EML4: variants seen among roughly 807,000 people sequenced by gnomAD.
EML4 encodes the protein EMAP like 4.
EML4 carries 72 observed loss-of-function variants against 129.0 expected under a neutral mutation model. The observed-to-expected ratio is 0.56, with a 90% confidence interval of 0.46 to 0.68. EML4 has a LOEUF of 0.68. EML4 is among the 30% of genes least tolerant of loss of function. The probability of loss-of-function intolerance (pLI) is 0.00; values close to 1 mark genes in which losing one functional copy is unlikely to be tolerated. For synonymous variants in EML4, 532 were observed against 405.0 expected (o/e 1.31, Z -3.77); for missense variants, 1,363 against 1,190.6 (o/e 1.14, Z -2.13).
chr2:42,191,427 A>T (rs1306539720), intron 1 of EML4, among the ~76,000 whole-genome samples: 1 of 152,138 alleles, frequency 6.6e-6, no homozygotes, highest in Non-Finnish European at 1.5e-5. Flanking sequence ...CTAAGGCAGG[A>T]CTTTGGTCCT....
chr2:42,218,944 A>G lies in EML4; in HGVS notation c.26-26561A>G, dbSNP rs535988472. Among the ~76,000 whole-genome samples the G allele has an allele frequency of 3.9e-5, 6 of 152,278 alleles. No homozygotes were observed. The East Asian group carries it at 1.2e-3, about 29-fold the overall frequency. ...CTCGCAAGCAGCTAGGAATACAAAC[A>G]TGCACTGCAGCACTTGACTTAGTAA... is the stretch of plus-strand genomic sequence containing the variant. On this transcript the variant is annotated intron_variant, in intron 1 of 22. Transcript: ENST00000318522.
At chr2:42,242,185 C>T (rs902921955) in intron 1 of EML4, among the ~76,000 whole-genome samples, 12 of 152,040 alleles carry the variant, frequency 7.9e-5, no homozygotes, top group African/African-American at 2.4e-4. Flanking sequence ...AGTTCAGCTG[C>T]CTTCCCAGAA....
intron 1 of EML4, among the ~76,000 whole-genome samples, chr2:42,188,227 T>C (rs189824314): frequency 1.3e-5 from 2 of 152,320 alleles, no homozygotes; most frequent in Admixed American, 1.3e-4. Context: ...TCTTAATTAC[T>C]ATAGCTGATA....
chr2:42,201,499 G>A (rs1672232410), intron 1 of EML4, among the ~76,000 whole-genome samples: 1 of 152,162 alleles, frequency 6.6e-6, no homozygotes, highest in Non-Finnish European at 1.5e-5. Context: ...CCACTTCTGA[G>A]TATATATCCA....
At chr2:42,282,497 G>A (rs1023204666) in intron 7 of EML4, among the ~76,000 whole-genome samples, 1 of 152,038 alleles carries the variant, frequency 6.6e-6, no homozygotes, top group Non-Finnish European at 1.5e-5. Context: ...GGGCTCAAGT[G>A]ATTCTCCCAC....
At chr2:42,267,475 G>T (rs1317968553) in intron 6 of EML4, among the ~76,000 whole-genome samples, 1 of 152,154 alleles carries the variant, frequency 6.6e-6, no homozygotes, top group Non-Finnish European at 1.5e-5. Flanking sequence ...GACAATGATA[G>T]CTGTGGCTTG....
intron 6 of EML4, among the ~76,000 whole-genome samples, chr2:42,276,976 A>G (rs975246526): frequency 3.9e-5 from 6 of 152,158 alleles, no homozygotes; most frequent in Non-Finnish European, 7.4e-5. Flanking sequence ...TTGCTTTTCT[A>G]CTTGGTTTCT....
intron 19 of EML4, 91 bp downstream of exon 19, chr2:42,317,615 C>T: frequency 1.3e-6 from 1 of 775,360 alleles, no homozygotes; most frequent in Non-Finnish European, 2.1e-6. Flanking sequence ...GTGTTGTTTC[C>T]TGTCGTTAGC....
At position 42,288,232 on chromosome 2, in the gene EML4, A is replaced by C; in HGVS notation, c.1128A>C (p.Ser376=). ...VGCLDFSKAD[S]GVHLCIIDDS... The stretch of plus-strand genomic sequence containing the variant: ...TCTGATTGACTTTTCTTTAGGATTC[A>C]GGTGTTCATTTATGTATTATTGATG... Residue 376 remains serine, a synonymous_variant, in exon 11 of 23, where the codon TCA becomes TCC. Transcript: ENST00000318522. 1 of 1,385,484 alleles carries C rather than the reference A, an allele frequency of 7.2e-7. No homozygotes were observed. The highest frequency in any genetic ancestry group is 1.0e-6 in the Non-Finnish European group (1 of 997,438). The allele number at this position is 1,385,484 out of a possible 1,614,324, so 85.8% of individuals were successfully genotyped here. A position where few individuals can be genotyped will look rare whatever the true frequency, so the allele number is the denominator to read the frequency against.
chr2:42,185,005 T>C (rs915307188), intron 1 of EML4, among the ~76,000 whole-genome samples: 1 of 152,204 alleles, frequency 6.6e-6, no homozygotes, highest in African/African-American at 2.4e-5. Flanking sequence ...ACTTTTTGTT[T>C]TTATGTAATC....
At chr2:42,233,467 A>C (rs998658983) in intron 1 of EML4, among the ~76,000 whole-genome samples, 5 of 151,588 alleles carry the variant, frequency 3.3e-5, no homozygotes, top group Admixed American at 1.3e-4. Flanking sequence ...CACCATGCCC[A>C]GCCAATTTTT....
chr2:42,303,655 G>A (rs555979574), intron 16 of EML4, among the ~76,000 whole-genome samples: 1 of 152,348 alleles, frequency 6.6e-6, no homozygotes, highest in South Asian at 2.1e-4. Context: ...GCCGGGCAAG[G>A]TGGCTCACAC....
intron 1 of EML4, among the ~76,000 whole-genome samples, chr2:42,192,338 C>G (rs1671643057): frequency 6.6e-6 from 1 of 150,630 alleles, no homozygotes; most frequent in South Asian, 2.1e-4. Flanking sequence ...CTGCTGGCTT[C>G]AAGAGATTCT....
chr2:42,197,210 G>C (rs189007028), intron 1 of EML4, among the ~76,000 whole-genome samples: 5 of 151,980 alleles, frequency 3.3e-5, no homozygotes, highest in Non-Finnish European at 5.9e-5. Flanking sequence ...CCACAGGCAC[G>C]CACCACCACT....
chr2:42,199,953 G>A (rs1672120333), intron 1 of EML4, among the ~76,000 whole-genome samples: 2 of 152,028 alleles, frequency 1.3e-5, no homozygotes, highest in South Asian at 4.1e-4. Flanking sequence ...AAACAATTTT[G>A]ACATTGGATC....
chr2:42,225,267 T>C (rs528644340), intron 1 of EML4, among the ~76,000 whole-genome samples: 25 of 152,226 alleles, frequency 1.6e-4, no homozygotes, highest in Middle Eastern at 6.8e-3. Flanking sequence ...TTGGATTATA[T>C]CTGTAAGTGG....
chr2:42,267,675 A>G (rs1666136891), intron 6 of EML4, among the ~76,000 whole-genome samples: 1 of 152,214 alleles, frequency 6.6e-6, no homozygotes. Context: ...GTTGAAAGCA[A>G]TAGAAAGTGA....
intron 8 of EML4, among the ~76,000 whole-genome samples, chr2:42,283,744 T>C (rs1220405035): frequency 6.6e-6 from 1 of 152,202 alleles, no homozygotes; most frequent in Non-Finnish European, 1.5e-5. Flanking sequence ...TGTACAAAAC[T>C]ATTTACTGCA....
chr2:42,246,829 A>G (rs1675432842), intron 2 of EML4, among the ~76,000 whole-genome samples: 1 of 152,220 alleles, frequency 6.6e-6, no homozygotes, highest in Admixed American at 6.5e-5. Context: ...AGAGATGTCA[A>G]ATAAAACAAA....
Sources: gnomAD v4.1 joint callset for allele counts (sites outside exome capture counted in the v4.1 genomes callset) on GRCh38, gnomAD v4.1.1 for gene constraint, MANE v1.5 for transcripts, NCBI Gene and HGNC (gene_info 2026-07-23, HGNC 2026-07-21) for gene names.